The following TIMM23B variants were observed in gnomAD, a reference collection of about 807,000 sequenced individuals.
The protein encoded by TIMM23B is mitochondrial import inner membrane translocase subunit Tim23B.
In TIMM23B, 27 loss-of-function variants were observed where a neutral mutation model predicts 27.3. The ratio of observed to expected loss-of-function variants is 0.99; its 90% CI spans 0.73 to 1.36. The LOEUF is 1.36. TIMM23B is among the 40% of genes most tolerant of loss of function. TIMM23B has a pLI of 0.00. For missense variants in TIMM23B, 205 were observed against 244.2 expected (o/e 0.84, Z 1.07); for synonymous variants, 73 against 92.4 (o/e 0.79, Z 1.21).
In TIMM23B at chr10:49,973,106, A is replaced by G. The variant is rs782567700; in HGVS notation, c.*42A>G. The stretch of plus-strand genomic sequence containing the variant: ...GTGTGTCAATCCCAACTGGTGAAGT[A>G]CTGAGAAGAAGCTACACAAAAGGCA... On this transcript the variant is annotated 3_prime_UTR_variant, in exon 7 of 7. Coordinates refer to ENST00000651259, the MANE Select transcript of TIMM23B (RefSeq NM_001290117.2). 1.4e-5 allele frequency: 21 copies of G among 1,519,800 alleles called. No individual in the cohort carries two copies. In the South Asian group the frequency reaches 2.4e-4, roughly 17 times the overall value. 94.1% of individuals were successfully genotyped at this position (1,519,800 alleles called of 1,614,324 possible).
intron 6 of TIMM23B, among the ~76,000 whole-genome samples, chr10:49,960,812 T>C (rs2133084244): frequency 6.6e-6 from 1 of 152,228 alleles, no homozygotes; most frequent in East Asian, 1.9e-4. Context: ...CTGATGTATC[T>C]GTTTGATTAT....
chr10:49,955,036 T>C lies in TIMM23B; in HGVS notation c.379T>C (p.Trp127Arg). 1.2e-6 allele frequency: 2 copies of C among 1,613,060 alleles called. No individual in the cohort carries two copies. Among genetic ancestry groups the C allele is most frequent in the South Asian group, 2.2e-5 (2 of 91,038 alleles). Reference sequence around the variant, plus strand: ...TATGGTGACTAGGCAAGGGGCACTTTGGGCTAATACTCTAGGTTCTCTGGG... The same window carrying C: ...TATGGTGACTAGGCAAGGGGCACTTCGGGCTAATACTCTAGGTTCTCTGGG... ...LNMVTRQGAL[W>R]ANTLGSLALL... is the part of the protein sequence containing the mutation. Residue 127 changes from tryptophan (W) to arginine (R), a missense_variant, in exon 5 of 7, where the codon TGG (tryptophan) becomes CGG (arginine). Physicochemically the swap from Trp to Arg is moderately radical, Grantham distance 101. Transcript: ENST00000651259.
At chr10:49,962,201 T>A (rs1839940821) in intron 6 of TIMM23B, among the ~76,000 whole-genome samples, 1 of 137,880 alleles carries the variant, frequency 7.3e-6, no homozygotes, top group East Asian at 2.1e-4. Context: ...ATTAAGCTTT[T>A]TTTTGCTTTT....
chr10:49,950,393 C>T (rs1183278764), intron 2 of TIMM23B, among the ~76,000 whole-genome samples: 2 of 151,502 alleles, frequency 1.3e-5, no homozygotes, highest in Admixed American at 1.3e-4. Flanking sequence ...TGATAACAGC[C>T]TTGTTTGTGT....
intron 1 of TIMM23B, among the ~76,000 whole-genome samples, chr10:49,942,684 A>G (rs1435165389): frequency 3.3e-5 from 5 of 152,202 alleles, no homozygotes; most frequent in Admixed American, 6.5e-5. Context: ...ACACAGTGAC[A>G]TATTCTGAGC....
At chr10:49,959,549 A>T (rs1367606167) in intron 6 of TIMM23B, among the ~76,000 whole-genome samples, 1 of 152,164 alleles carries the variant, frequency 6.6e-6, no homozygotes, top group African/African-American at 2.4e-5. Context: ...TATTTTTATC[A>T]AAATAATCCA....
chr10:49,964,055 C>G (rs1257303582), intron 6 of TIMM23B, among the ~76,000 whole-genome samples: 1 of 151,836 alleles, frequency 6.6e-6, no homozygotes, highest in East Asian at 1.9e-4. Flanking sequence ...TGCAGCAAGT[C>G]TCTGTCATGA....
chr10:49,946,544 CA>C (rs1839361878), intron 2 of TIMM23B, among the ~76,000 whole-genome samples: 2 of 152,096 alleles, frequency 1.3e-5, no homozygotes, highest in Admixed American at 6.5e-5. Flanking sequence ...TATTTCTAGA[CA>C]GTTGCAATGA....
rs1306652400 is a variant in TIMM23B, at chr10:49,948,952, A to G, written c.166-3174A>G. On this transcript the variant is annotated intron_variant, in intron 2 of 6. Coordinates refer to ENST00000651259, the MANE Select transcript of TIMM23B (RefSeq NM_001290117.2). ...TCCAGACTCGAGTTGCAGTAGCAGC[A>G]TCATAGCTCACTGTAACCTCAAACT... Among the ~76,000 whole-genome samples the G allele has an allele frequency of 7.9e-3, 1,210 of 152,292 alleles. 7 individuals are homozygous for G. The highest frequency in any genetic ancestry group is 0.01 in the Non-Finnish European group (714 of 68,026).
At chr10:49,955,234 T>TG (rs1372006590) in intron 5 of TIMM23B, among the ~76,000 whole-genome samples, 174 bp downstream of exon 5, 1 of 152,226 alleles carries the variant, frequency 6.6e-6, no homozygotes, top group Non-Finnish European at 1.5e-5. Context: ...AACTAACTTA[T>TG]GAAATAATCT....
chr10:49,952,200 T>A lies in TIMM23B; in HGVS notation c.240T>A (p.Ile80=). ...GATTTGAGCTGGCCTTCTTTACGATTGGAGGGTGTTGCATGACAGGTGAGT... is the reference window on the plus strand; with the variant it reads ...GATTTGAGCTGGCCTTCTTTACGATAGGAGGGTGTTGCATGACAGGTGAGT... ...WGRFELAFFT[I]GGCCMTGAAF... The change falls in exon 3 of 7, where the codon ATT becomes ATA. Residue 80 remains isoleucine (I), a synonymous_variant. Coordinates refer to ENST00000651259, the MANE Select transcript of TIMM23B (RefSeq NM_001290117.2). 2.5e-6 allele frequency: 4 copies of A among 1,606,280 alleles called. No individual in the cohort carries two copies. The highest frequency in any genetic ancestry group is 3.4e-6 in the Non-Finnish European group (4 of 1,172,850).
rs1839795858 is a variant in TIMM23B, at chr10:49,958,517, A to G, written c.514+37A>G. 3.8e-6 allele frequency: 6 copies of G among 1,597,962 alleles called. No individual in the cohort carries two copies. In the African/African-American group the frequency reaches 5.4e-5, roughly 14 times the overall value. Reference sequence around the variant, plus strand: ...TGAATGGGGAGCCATCTCTTAATATACTTGAAGTGCGCTTTTTAAAATTCA... The same window carrying G: ...TGAATGGGGAGCCATCTCTTAATATGCTTGAAGTGCGCTTTTTAAAATTCA... On this transcript the variant is annotated intron_variant, in intron 6 of 6. Coordinates refer to ENST00000651259, the MANE Select transcript of TIMM23B (RefSeq NM_001290117.2).
chr10:49,957,526 G>A (rs1458554104), intron 5 of TIMM23B, among the ~76,000 whole-genome samples: 6 of 152,060 alleles, frequency 3.9e-5, no homozygotes, highest in Non-Finnish European at 7.4e-5. Flanking sequence ...AGAGTGCTGG[G>A]ATTACAGAAA....
intron 5 of TIMM23B, among the ~76,000 whole-genome samples, chr10:49,957,952 C>T (rs1391074142): frequency 6.6e-6 from 1 of 152,146 alleles, no homozygotes; most frequent in Non-Finnish European, 1.5e-5. Context: ...ACGATCTCTT[C>T]TGAAATGGGG....
intron 4 of TIMM23B, 108 bp downstream of exon 4, chr10:49,952,641 G>A: frequency 7.7e-7 from 1 of 1,306,382 alleles, no homozygotes; most frequent in South Asian, 1.5e-5. Flanking sequence ...ATAGTTATGT[G>A]CTTTTTTGTC....
intron 2 of TIMM23B, among the ~76,000 whole-genome samples, chr10:49,949,502 G>T (rs1188775140): frequency 6.6e-6 from 1 of 151,972 alleles, no homozygotes; most frequent in Non-Finnish European, 1.5e-5. Context: ...ACACTTAGAG[G>T]TTGTACTCTA....
chr10:49,963,357 A>G (rs1839989458), intron 6 of TIMM23B, among the ~76,000 whole-genome samples: 2 of 152,206 alleles, frequency 1.3e-5, no homozygotes, highest in South Asian at 4.1e-4. Flanking sequence ...TAAAATGAAT[A>G]ATGAATTGCC....
At chr10:49,956,722 C>A (rs1839738745) in intron 5 of TIMM23B, among the ~76,000 whole-genome samples, 1 of 145,678 alleles carries the variant, frequency 6.9e-6, no homozygotes, top group Non-Finnish European at 1.5e-5. Context: ...ATGAAAAGTC[C>A]CTCTCTGGAT....
chr10:49,966,971 G>T (rs1391567176), intron 6 of TIMM23B, among the ~76,000 whole-genome samples: 1 of 151,624 alleles, frequency 6.6e-6, no homozygotes, highest in Non-Finnish European at 1.5e-5. Flanking sequence ...TCAGACTAGA[G>T]TACAGTGGTG....
Sources: allele counts gnomAD v4.1 joint callset (sites outside exome capture counted in the v4.1 genomes callset), GRCh38; gene constraint gnomAD v4.1.1; transcripts MANE v1.5; gene names NCBI Gene and HGNC (gene_info 2026-07-23, HGNC 2026-07-21).